The following KCNH5 variants were observed in gnomAD, a reference collection of about 807,000 sequenced individuals.
The protein encoded by KCNH5 is potassium voltage-gated channel subfamily H member 5.
In KCNH5, 46 loss-of-function variants were observed where a neutral mutation model predicts 96.1. The observed-to-expected ratio is 0.48, with a 90% confidence interval of 0.38 to 0.61. The LOEUF (loss-of-function observed/expected upper bound fraction) is 0.61, where lower values mean the gene tolerates loss of function less well. Ranked by LOEUF, KCNH5 falls within the 20% of genes least tolerant of loss-of-function variation. The pLI is 0.00. For synonymous variants in KCNH5, 439 were observed against 449.8 expected (o/e 0.98, Z 0.30); for missense variants, 907 against 1,225.8 (o/e 0.74, Z 3.88).
chr14:62,971,218 A>G (rs1248791995), intron 6 of KCNH5, among the ~76,000 whole-genome samples: 1 of 152,142 alleles, frequency 6.6e-6, no homozygotes, highest in Non-Finnish European at 1.5e-5. Flanking sequence ...TCTGTATACC[A>G]GCAAGGCACA....
chr14:62,874,301 G>T (rs995247965), intron 7 of KCNH5, among the ~76,000 whole-genome samples: 2 of 151,892 alleles, frequency 1.3e-5, no homozygotes, highest in African/African-American at 4.8e-5. Context: ...TCATCAAAAA[G>T]TAGGCAAACA....
chr14:62,793,215 T>C (rs1050582713), intron 9 of KCNH5, among the ~76,000 whole-genome samples: 2 of 151,796 alleles, frequency 1.3e-5, no homozygotes, highest in African/African-American at 4.8e-5. Flanking sequence ...AAGTTTTAGA[T>C]ATCTGCTGTA....
intron 10 of KCNH5, among the ~76,000 whole-genome samples, chr14:62,722,918 T>C (rs917099625): frequency 1.3e-5 from 2 of 152,206 alleles, no homozygotes; most frequent in Non-Finnish European, 2.9e-5. Context: ...CCAGTGTTCC[T>C]TCCACTATTT....
chr14:62,928,851 A>G (rs1270994782), intron 7 of KCNH5, among the ~76,000 whole-genome samples: 1 of 152,018 alleles, frequency 6.6e-6, no homozygotes, highest in East Asian at 1.9e-4. Context: ...ACATATTGCA[A>G]TGCGCCAGAG....
At chr14:62,853,593 T>C (rs1887868120) in intron 7 of KCNH5, among the ~76,000 whole-genome samples, 1 of 151,018 alleles carries the variant, frequency 6.6e-6, no homozygotes, top group Non-Finnish European at 1.5e-5. Flanking sequence ...ATCTTCTTGA[T>C]GCTGATCAAA....
chr14:62,800,091 C>T (rs909604859), intron 9 of KCNH5, among the ~76,000 whole-genome samples: 1 of 151,322 alleles, frequency 6.6e-6, no homozygotes, highest in South Asian at 2.1e-4. Context: ...GTATGTTAAA[C>T]AAACAAACAA....
At chr14:63,041,454 A>G (rs1891822747) in intron 1 of KCNH5, among the ~76,000 whole-genome samples, 2 of 152,176 alleles carry the variant, frequency 1.3e-5, no homozygotes, top group African/African-American at 4.8e-5. Flanking sequence ...TGAACTCACC[A>G]CATAGTCCTC....
chr14:62,739,485 T>C (rs1885227614), intron 10 of KCNH5, among the ~76,000 whole-genome samples: 2 of 152,124 alleles, frequency 1.3e-5, no homozygotes, highest in African/African-American at 4.8e-5. Flanking sequence ...TGTAGGCATT[T>C]TTAGAGAAGA....
intron 10 of KCNH5, among the ~76,000 whole-genome samples, chr14:62,778,372 C>T (rs930157726): frequency 6.6e-5 from 10 of 152,150 alleles, no homozygotes; most frequent in African/African-American, 1.9e-4. Context: ...AGTGGACCCT[C>T]GTGGTTCAAA....
At chr14:62,928,407 C>T (rs910487878) in intron 7 of KCNH5, among the ~76,000 whole-genome samples, 8 of 152,018 alleles carry the variant, frequency 5.3e-5, no homozygotes, top group Non-Finnish European at 8.8e-5. Flanking sequence ...AATTAATGAG[C>T]ACCTGAATAG....
chr14:62,704,290 TTTTCCA>T lies in KCNH5; in HGVS notation c.*3212_*3217del, dbSNP rs1382374579. ...CAAGATGCAACTAGTGTCATAAAAATTTTCCATTTTAACAATGAAGCATGGGCCTGT... is the reference window on the plus strand; with the variant it reads ...CAAGATGCAACTAGTGTCATAAAAATTTTTAACAATGAAGCATGGGCCTGT... On this transcript the variant is annotated 3_prime_UTR_variant, in exon 11 of 11. Transcript: ENST00000322893. The T allele has an allele frequency of 6.6e-6, 1 of 151,892 alleles. No homozygotes were observed. The highest frequency in any genetic ancestry group is 1.5e-5 in the Non-Finnish European group (1 of 67,806). The allele number at this position is 151,892 out of a possible 1,614,324, so 9.4% of individuals were successfully genotyped here.
At chr14:62,740,850 A>C (rs1885257266) in intron 10 of KCNH5, among the ~76,000 whole-genome samples, 1 of 152,098 alleles carries the variant, frequency 6.6e-6, no homozygotes, top group Non-Finnish European at 1.5e-5. Context: ...GAGCAATACA[A>C]ACTGATTAGC....
chr14:62,715,149 A>G (rs1434335028), intron 10 of KCNH5, among the ~76,000 whole-genome samples: 1 of 152,204 alleles, frequency 6.6e-6, no homozygotes, highest in Admixed American at 6.5e-5. Context: ...TGATCATAAA[A>G]GTGATATCAA....
chr14:62,798,164 C>A (rs1349307550), intron 9 of KCNH5, among the ~76,000 whole-genome samples: 3 of 152,164 alleles, frequency 2.0e-5, no homozygotes, highest in Non-Finnish European at 4.4e-5. Flanking sequence ...TTCAACCCCT[C>A]CATCCAAACC....
intron 1 of KCNH5, among the ~76,000 whole-genome samples, chr14:63,033,897 T>G (rs1476479843): frequency 1.3e-5 from 2 of 152,066 alleles, no homozygotes; most frequent in Non-Finnish European, 2.9e-5. Context: ...TGAATTTAAA[T>G]CATGCAGTCT....
chr14:62,994,541 A>G (rs1195851299), intron 4 of KCNH5, among the ~76,000 whole-genome samples: 1 of 152,124 alleles, frequency 6.6e-6, no homozygotes, highest in Non-Finnish European at 1.5e-5. Flanking sequence ...CCTCAATACC[A>G]GGAACAAAAA....
chr14:62,724,718 T>C (rs886665104), intron 10 of KCNH5, among the ~76,000 whole-genome samples: 2 of 152,256 alleles, frequency 1.3e-5, no homozygotes, highest in African/African-American at 4.8e-5. Context: ...GGCCAGTAAT[T>C]GACCTGTAGT....
chr14:62,977,936 T>C (rs372991991), intron 6 of KCNH5, among the ~76,000 whole-genome samples: 5 of 152,204 alleles, frequency 3.3e-5, no homozygotes, highest in African/African-American at 1.2e-4. Context: ...CTTACACTTT[T>C]ACACAGTAAA....
intron 10 of KCNH5, among the ~76,000 whole-genome samples, chr14:62,756,750 C>G (rs1292683946): frequency 6.6e-6 from 1 of 152,096 alleles, no homozygotes; most frequent in Non-Finnish European, 1.5e-5. Flanking sequence ...TATCCATATC[C>G]AAAAGAATGA....
Sources: gnomAD v4.1 joint callset for allele counts (sites outside exome capture counted in the v4.1 genomes callset) on GRCh38, gnomAD v4.1.1 for gene constraint, MANE v1.5 for transcripts, NCBI Gene and HGNC (gene_info 2026-07-23, HGNC 2026-07-21) for gene names.